The following NXF1 variants were observed in gnomAD, a reference collection of about 807,000 sequenced individuals.
NXF1 encodes the protein nuclear RNA export factor 1, also known as mRNA export factor TAP.
A neutral mutation model predicts 92.4 loss-of-function variants in NXF1; 43 were observed. The ratio of observed to expected loss-of-function variants is 0.47; its 90% CI spans 0.36 to 0.60. NXF1 has a LOEUF of 0.60. Among genes scored for constraint, NXF1 ranks in the 20% least tolerant of loss-of-function variants. NXF1 has a pLI of 0.00. For synonymous variants in NXF1, 288 were observed against 292.2 expected, an observed-to-expected ratio of 0.99 and a Z score of 0.15; for missense variants, 576 against 793.0, an observed-to-expected ratio of 0.73 and a Z score of 3.29.
Position 62,795,913 on chromosome 11 carries a change from C to T in NXF1, c.1492G>A (p.Val498Ile). The change falls in exon 17 of 21, where the codon GTC becomes ATC. Residue 498 changes from valine to isoleucine, a missense_variant. This residue lies in a region of NXF1 where 425 missense variants were observed against 635.2 expected (regional missense o/e 0.67). Coordinates refer to ENST00000294172, the MANE Select transcript of NXF1 (RefSeq NM_006362.5). ...TAAAGATTCTTACCTTCCTTGAAGACTCCATTGACAGAAAAACACAGCAAT... is the reference window on the plus strand; with the variant it reads ...TAAAGATTCTTACCTTCCTTGAAGATTCCATTGACAGAAAAACACAGCAAT... ...STLLCFSVNG[V>I]FKEVDGKSRD... 1 of 1,613,818 alleles carries T rather than the reference C, an allele frequency of 6.2e-7. No individual in the cohort carries two copies. Among genetic ancestry groups the T allele is most frequent in the African/African-American group, 1.3e-5 (1 of 75,036 alleles).
rs781057620 is a variant in NXF1 at position 62,805,319 on chromosome 11, C to T, written c.28+10G>A. 3 of 1,607,794 alleles carry T rather than the reference C, an allele frequency of 1.9e-6. No homozygotes were observed. The highest frequency in any genetic ancestry group is 1.3e-5 in the African/African-American group (1 of 74,416). The stretch of plus-strand genomic sequence containing the variant: ...GATAGCCAGTTCCCGACCCGAAGAC[C>T]AGCACTTACCGCTGTACGACTTCCC... On this transcript the variant is annotated intron_variant, in intron 1 of 20. Transcript: ENST00000294172.
intron 17 of NXF1, chr11:62,795,490 C>T: frequency 4.0e-6 from 1 of 247,602 alleles, no homozygotes; most frequent in Non-Finnish European, 7.9e-6. Context: ...AAAGTAATAA[C>T]TACTAATCCA....
At chr11:62,792,812 C>A (rs778062340) in intron 19 of NXF1, 111 bp from the exon 20 acceptor site, 6 of 829,508 alleles carry the variant, frequency 7.2e-6, no homozygotes, top group Non-Finnish European at 1.2e-5. Context: ...CATTCTTATA[C>A]ATCCTTGCAC....
chr11:62,792,448 G>A lies in NXF1; in HGVS notation c.*28C>T, dbSNP rs375723109. 28 of 1,613,856 alleles carry A rather than the reference G, an allele frequency of 1.7e-5. No individual in the cohort carries two copies. The African/African-American group carries it at 2.8e-4, about 16-fold the overall frequency. ...GTAATATCCAAGGACTATTTACAGG[G>A]GGGACTGCTTCTGAGGCATGACTAC... On this transcript the variant is annotated 3_prime_UTR_variant, in exon 21 of 21. Coordinates refer to ENST00000294172, the MANE Select transcript of NXF1 (RefSeq NM_006362.5).
In NXF1 at chr11:62,794,548, T is replaced by C. The variant is rs898466912; in HGVS notation, c.1578-108A>G. The C allele has an allele frequency of 2.2e-5, 20 of 922,524 alleles. No homozygotes were observed. In the African/African-American group the frequency reaches 3.0e-4, roughly 14 times the overall value. 57.1% of individuals were successfully genotyped at this position (922,524 alleles called of 1,614,324 possible). A position where few individuals can be genotyped will look rare whatever the true frequency, so the allele number is the denominator to read the frequency against. ...TATCCACAAGGTCCCCCTCCCACTC[T>C]TAGCTATTGTTACCTTTTATCATTT... On this transcript the variant is annotated intron_variant, in intron 18 of 20. Transcript: ENST00000294172.
chr11:62,796,147 G>A lies in NXF1; in HGVS notation c.1380C>T (p.Leu460=), dbSNP rs776746957. The change falls in exon 16 of 21, where the codon CTC becomes CTT. Residue 460 remains leucine, a synonymous_variant. Coordinates refer to ENST00000294172, the MANE Select transcript of NXF1 (RefSeq NM_006362.5). ...LRFRLLKHTR[L]NVVAFLNELP... is the part of the protein sequence containing the mutation. ...ACTCATTGAGGAAGGCAACAACGTT[G>A]AGACGCGTGTGCTTCAGCAGCCGGA... is the stretch of plus-strand genomic sequence containing the variant. 6.2e-7 allele frequency: 1 copy of A among 1,614,170 alleles called. No individual in the cohort carries two copies. The highest frequency in any genetic ancestry group is 1.1e-5 in the South Asian group (1 of 91,076).
In NXF1 at chr11:62,802,179, C is replaced by A; in HGVS notation, c.451G>T (p.Glu151Ter). The part of the protein sequence containing the change: ...SKCSVPFTPI[E>*]FHYENTRAQF... ...CAGCCACTCAGGCCTTGTCTTACCT[C>A]AATAGGGGTGAAGGGCACACTGCAC... Residue 151 changes from glutamate (E) to a stop codon, truncating the protein, a stop_gained and splice_region_variant, in exon 4 of 21, where the codon GAG becomes TAG. Coordinates refer to ENST00000294172, the MANE Select transcript of NXF1 (RefSeq NM_006362.5). LOFTEE classifies it high-confidence loss of function. 1 of 1,614,138 alleles carries A rather than the reference C, an allele frequency of 6.2e-7. No individual in the cohort carries two copies. Among genetic ancestry groups the A allele is most frequent in the East Asian group, 2.2e-5 (1 of 44,888 alleles).
At chr11:62,795,811 G>A in intron 17 of NXF1, 90 bp downstream of exon 17, 2 of 1,272,518 alleles carry the variant, frequency 1.6e-6, no homozygotes, top group African/African-American at 1.5e-5. Context: ...GAAAATGGGA[G>A]AGAAAGTAGC....
intron 3 of NXF1, among the ~76,000 whole-genome samples, chr11:62,802,680 C>T (rs567899202): frequency 6.6e-6 from 1 of 152,306 alleles, no homozygotes; most frequent in South Asian, 2.1e-4. Context: ...TCAAGTGATC[C>T]TCCACCTCGG....
intron 11 of NXF1, among the ~76,000 whole-genome samples, chr11:62,797,695 G>A (rs1270956478): frequency 6.6e-6 from 1 of 152,080 alleles, no homozygotes; most frequent in Non-Finnish European, 1.5e-5. Context: ...GACAGAGCCA[G>A]ACCCTGTCTC....
At chr11:62,797,473 G>A (rs2084433498) in intron 11 of NXF1, 87 bp from the exon 12 acceptor site, 1 of 1,181,204 alleles carries the variant, frequency 8.5e-7, no homozygotes, top group African/African-American at 1.5e-5. Context: ...GCCGAGGCAG[G>A]CAGATGGCTT....
At chr11:62,793,272 T>C (rs1181567945) in intron 19 of NXF1, among the ~76,000 whole-genome samples, 4 of 152,188 alleles carry the variant, frequency 2.6e-5, no homozygotes, top group African/African-American at 7.2e-5. Flanking sequence ...AGAGACGAGA[T>C]TTCACCATGT....
At chr11:62,802,317 C>T in intron 3 of NXF1, 57 bp from the exon 4 acceptor site, 3 of 1,413,978 alleles carry the variant, frequency 2.1e-6, no homozygotes, top group Non-Finnish European at 3.0e-6. Flanking sequence ...AATAGCAGAC[C>T]CAATACAATG....
intron 17 of NXF1, chr11:62,795,339 GGTAGTGCGCACCT>G (rs533935303): frequency 2.0e-3 from 460 of 229,188 alleles, no homozygotes; most frequent in African/African-American, 9.0e-3. Flanking sequence ...AGCTGGGCGT[GGTAGTGCGCACCT>G]GTAGTCCCAG....
chr11:62,795,337 G>A (rs375715547), intron 17 of NXF1: 9 of 229,346 alleles, frequency 3.9e-5, no homozygotes, highest in East Asian at 2.9e-4. Flanking sequence ...TTAGCTGGGC[G>A]TGGTAGTGCG....
intron 7 of NXF1, 39 bp downstream of exon 7, chr11:62,801,523 T>C (rs2084478376): frequency 6.2e-7 from 1 of 1,610,874 alleles, no homozygotes; most frequent in Non-Finnish European, 8.5e-7. Flanking sequence ...GATCCCACCT[T>C]ATCACCACCT....
intron 10 of NXF1, chr11:62,799,877 G>C: frequency 1.0e-6 from 1 of 987,722 alleles, no homozygotes; most frequent in Non-Finnish European, 1.2e-6. Flanking sequence ...AACAGCCCTG[G>C]GCAAGTGGAT....
intron 1 of NXF1, chr11:62,804,205 T>C: frequency 6.6e-7 from 1 of 1,508,720 alleles, no homozygotes; most frequent in South Asian, 1.2e-5. Context: ...AAAAATGAAG[T>C]AGAAACTGGA....
chr11:62,792,832 A>T, intron 19 of NXF1, 131 bp from the exon 20 acceptor site: 1 of 711,460 alleles, frequency 1.4e-6, no homozygotes, highest in Non-Finnish European at 2.4e-6. Context: ...CTATTTATAC[A>T]AATGAGACAT....
Sources: allele counts gnomAD v4.1 joint callset (sites outside exome capture counted in the v4.1 genomes callset), GRCh38; gene constraint gnomAD v4.1.1; regional missense constraint gnomAD v4.1.1; transcripts MANE v1.5; gene names NCBI Gene and HGNC (gene_info 2026-07-23, HGNC 2026-07-21).